DGKH: variants seen among roughly 807,000 people sequenced by gnomAD.
The protein encoded by DGKH is diacylglycerol kinase eta.
In DGKH, 90 loss-of-function variants were observed where a neutral mutation model predicts 159.3. The ratio of observed to expected loss-of-function variants is 0.57; its 90% CI spans 0.48 to 0.67. The LOEUF (loss-of-function observed/expected upper bound fraction) is 0.67, where lower values mean the gene tolerates loss of function less well. Among genes scored for constraint, DGKH ranks in the 30% least tolerant of loss-of-function variants. The pLI is 0.00. For missense variants in DGKH, 1,181 were observed against 1,506.1 expected, an observed-to-expected ratio of 0.78 and a Z score of 3.57; for synonymous variants, 536 against 553.8, an observed-to-expected ratio of 0.97 and a Z score of 0.45.
At chr13:42,144,416 G>T (rs1173022940) in intron 3 of DGKH, among the ~76,000 whole-genome samples, 1 of 152,146 alleles carries the variant, frequency 6.6e-6, no homozygotes, top group African/African-American at 2.4e-5. Flanking sequence ...GCCAGACCCG[G>T]TGGCTCACGC....
At chr13:42,084,736 C>T (rs779543501) in intron 1 of DGKH, among the ~76,000 whole-genome samples, 4 of 151,104 alleles carry the variant, frequency 2.6e-5, no homozygotes, top group South Asian at 2.1e-4. Context: ...GTAGTATAAA[C>T]GTGCTACTAG....
intron 21 of DGKH, among the ~76,000 whole-genome samples, chr13:42,207,675 G>A (rs1957539754): frequency 8.1e-6 from 1 of 124,012 alleles, no homozygotes; most frequent in African/African-American, 2.9e-5. Context: ...ATGAAAGAGA[G>A]GGCACAATTA....
At chr13:42,145,527 AG>A (rs1955703377) in intron 3 of DGKH, among the ~76,000 whole-genome samples, 1 of 152,144 alleles carries the variant, frequency 6.6e-6, no homozygotes, top group Non-Finnish European at 1.5e-5. Context: ...GGCAGAAGTT[AG>A]TCTTTGTATC....
intron 1 of DGKH, among the ~76,000 whole-genome samples, chr13:42,067,137 T>C (rs1007307827): frequency 2.0e-5 from 3 of 152,152 alleles, no homozygotes; most frequent in Non-Finnish European, 4.4e-5. Flanking sequence ...GTATTTCCCA[T>C]AGGGTCAGTG....
Position 42,238,204 on chromosome 13 carries a change from G to T in DGKH, c.*9016G>T, listed in dbSNP as rs1053972735. On this transcript the variant is annotated 3_prime_UTR_variant, in exon 30 of 30. Transcript: ENST00000337343. ...CCTAATTTTACAATTTCTTTCCCAC[G>T]GTCATTTTGGATATAAAGATAGACT... is the stretch of plus-strand genomic sequence containing the variant. 1.3e-5 allele frequency: 2 copies of T among 151,978 alleles called. No individual in the cohort carries two copies. The highest frequency in any genetic ancestry group is 4.8e-5 in the African/African-American group (2 of 41,372). The allele number at this position is 151,978 out of a possible 1,614,324, so 9.4% of individuals were successfully genotyped here.
chr13:42,184,023 A>T (rs543237860), intron 13 of DGKH, among the ~76,000 whole-genome samples: 29 of 152,356 alleles, frequency 1.9e-4, no homozygotes, highest in Middle Eastern at 3.4e-3. Flanking sequence ...TTGTCATAGA[A>T]CCATAGAATT....
chr13:42,216,027 T>C (rs1387266404), intron 26 of DGKH, among the ~76,000 whole-genome samples: 1 of 152,230 alleles, frequency 6.6e-6, no homozygotes, highest in Non-Finnish European at 1.5e-5. Context: ...TTCCCTGAAT[T>C]AGCATTTGAA....
chr13:42,194,662 G>A lies in DGKH; in HGVS notation c.2036-223G>A, dbSNP rs140850741. Reference sequence around the variant, plus strand: ...TGAGTATTAGTGACCTTTAATTATGGTAGACATCTATTTTCTACTGATATT... The same window carrying A: ...TGAGTATTAGTGACCTTTAATTATGATAGACATCTATTTTCTACTGATATT... On this transcript the variant is annotated intron_variant, in intron 16 of 29. Coordinates refer to ENST00000337343, the MANE Select transcript of DGKH (RefSeq NM_178009.5). Among the ~76,000 whole-genome samples the A allele has an allele frequency of 1.5e-3, 226 of 152,140 alleles. 1 individual carries two copies. Among genetic ancestry groups the A allele is most frequent in the African/African-American group, 5.2e-3 (214 of 41,490 alleles).
chr13:42,041,285 A>C (rs1329437781), intron 1 of DGKH, among the ~76,000 whole-genome samples: 1 of 152,084 alleles, frequency 6.6e-6, no homozygotes, highest in Admixed American at 6.5e-5. Flanking sequence ...GGGGAGTCTG[A>C]GGAGCCCGGT....
chr13:42,099,689 G>T (rs949170756), intron 1 of DGKH, among the ~76,000 whole-genome samples: 7 of 152,166 alleles, frequency 4.6e-5, no homozygotes, highest in Admixed American at 2.6e-4. Context: ...TTTTGCAACC[G>T]AATGCAACAG....
intron 13 of DGKH, among the ~76,000 whole-genome samples, chr13:42,184,852 G>T (rs1566168694): frequency 6.7e-6 from 1 of 149,074 alleles, no homozygotes; most frequent in African/African-American, 2.5e-5. Context: ...AGGCAACTGA[G>T]CAAGACCCCC....
chr13:42,075,429 G>A (rs1050253374), intron 1 of DGKH, among the ~76,000 whole-genome samples: 3 of 152,150 alleles, frequency 2.0e-5, no homozygotes, highest in Non-Finnish European at 2.9e-5. Flanking sequence ...TGAGATCTAA[G>A]TGTAAAAGTG....
chr13:42,113,289 T>TA (rs1954901865), intron 1 of DGKH, among the ~76,000 whole-genome samples: 1 of 152,190 alleles, frequency 6.6e-6, no homozygotes, highest in Admixed American at 6.5e-5. Flanking sequence ...ATGCAAATTA[T>TA]TATATGTACA....
chr13:42,105,010 T>G (rs1465561152), intron 1 of DGKH, among the ~76,000 whole-genome samples: 1 of 112,998 alleles, frequency 8.8e-6, no homozygotes, highest in Non-Finnish European at 2.0e-5. Flanking sequence ...CATGTGTTTA[T>G]GTACATACAT....
chr13:42,188,394 C>A (rs1956979889), intron 14 of DGKH, among the ~76,000 whole-genome samples: 1 of 152,168 alleles, frequency 6.6e-6, no homozygotes, highest in South Asian at 2.1e-4. Context: ...CTCTTCTTTT[C>A]CCTCCTTATC....
intron 29 of DGKH, among the ~76,000 whole-genome samples, chr13:42,250,628 A>G (rs553091967): frequency 4.4e-4 from 67 of 152,186 alleles, no homozygotes; most frequent in Admixed American, 1.6e-3. Flanking sequence ...AAAAAATCTG[A>G]AACAGAACAT....
At chr13:42,136,597 C>T (rs1338526699) in intron 3 of DGKH, among the ~76,000 whole-genome samples, 1 of 152,110 alleles carries the variant, frequency 6.6e-6, no homozygotes, top group East Asian at 1.9e-4. Context: ...TGGAAGTTTG[C>T]TAGAGAAAGT....
At chr13:42,129,979 A>C (rs1038611634) in intron 3 of DGKH, among the ~76,000 whole-genome samples, 22 of 152,154 alleles carry the variant, frequency 1.4e-4, no homozygotes, top group African/African-American at 4.8e-4. Context: ...TATTTTCTCC[A>C]TGTAGCCTAC....
intron 1 of DGKH, among the ~76,000 whole-genome samples, chr13:42,116,208 C>T (rs1954966075): frequency 6.6e-6 from 1 of 152,072 alleles, no homozygotes; most frequent in African/African-American, 2.4e-5. Context: ...AGGTTTTGTA[C>T]AGACACCCAA....
Sources: allele counts gnomAD v4.1 joint callset (sites outside exome capture counted in the v4.1 genomes callset), GRCh38; gene constraint gnomAD v4.1.1; transcripts MANE v1.5; gene names NCBI Gene and HGNC (gene_info 2026-07-23, HGNC 2026-07-21).